Variants in CHCHD3 observed in about 807,000 individuals in gnomAD.
CHCHD3 encodes the protein MICOS complex subunit MIC19.
Under a neutral mutation model 38.2 loss-of-function variants are expected in CHCHD3, and 20 were observed. The ratio of observed to expected loss-of-function variants is 0.52; its 90% confidence interval spans 0.37 to 0.76. The LOEUF is 0.76. Among genes scored for constraint, CHCHD3 ranks in the 30% least tolerant of loss-of-function variants. The pLI, the probability that CHCHD3 is intolerant of heterozygous loss-of-function variation, is 0.00. For synonymous variants in CHCHD3, 82 were observed against 100.0 expected (o/e 0.82, Z 1.07); for missense variants, 245 against 279.2 (o/e 0.88, Z 0.87).
intron 3 of CHCHD3, among the ~76,000 whole-genome samples, chr7:132,984,442 G>GC (rs1336694987): frequency 5.3e-5 from 8 of 150,584 alleles, no homozygotes; most frequent in African/African-American, 1.5e-4. Flanking sequence ...GCCTGCCTTG[G>GC]CCCCGCAAAG....
chr7:132,933,159 T>A (rs1202881746), intron 4 of CHCHD3, among the ~76,000 whole-genome samples: 2 of 152,200 alleles, frequency 1.3e-5, no homozygotes, highest in African/African-American at 2.4e-5. Flanking sequence ...ACAGAACAGT[T>A]ATTTTGCATC....
intron 6 of CHCHD3, among the ~76,000 whole-genome samples, chr7:132,838,148 T>C (rs1340626342): frequency 6.6e-6 from 1 of 152,146 alleles, no homozygotes; most frequent in African/African-American, 2.4e-5. Context: ...GATAATACTA[T>C]TACCATTGCT....
chr7:132,811,072 G>T (rs970515958), intron 6 of CHCHD3, among the ~76,000 whole-genome samples: 8 of 148,570 alleles, frequency 5.4e-5, no homozygotes, highest in African/African-American at 2.0e-4. Context: ...GTTTCATTGA[G>T]AAAAAAAAAA....
intron 2 of CHCHD3, among the ~76,000 whole-genome samples, chr7:133,062,096 A>T (rs996162499): frequency 1.0e-4 from 15 of 146,990 alleles, no homozygotes; most frequent in East Asian, 2.0e-4. Flanking sequence ...TTACTTTTAA[A>T]TTTTTTTTTT....
chr7:133,068,021 C>G (rs1390552160), intron 2 of CHCHD3, among the ~76,000 whole-genome samples: 1 of 151,856 alleles, frequency 6.6e-6, no homozygotes, highest in Non-Finnish European at 1.5e-5. Context: ...GAGACTGAGG[C>G]AGGAGAATGG....
chr7:132,962,895 T>C (rs897515356), intron 4 of CHCHD3, among the ~76,000 whole-genome samples: 23 of 152,168 alleles, frequency 1.5e-4, no homozygotes, highest in African/African-American at 5.5e-4. Context: ...ACATCAACTA[T>C]AATAGTTGCC....
chr7:132,801,685 T>C (rs760122328), intron 6 of CHCHD3, among the ~76,000 whole-genome samples: 16 of 152,212 alleles, frequency 1.1e-4, no homozygotes, highest in Non-Finnish European at 2.4e-4. Flanking sequence ...GGCCATACTA[T>C]TTAATCAAAT....
chr7:132,992,543 A>C (rs187102493), intron 3 of CHCHD3, among the ~76,000 whole-genome samples: 25 of 152,356 alleles, frequency 1.6e-4, no homozygotes, highest in Non-Finnish European at 3.4e-4. Context: ...ACATGCGGCT[A>C]CTGAGCCCAG....
At chr7:132,887,091 G>A in intron 4 of CHCHD3, 1 of 553,830 alleles carries the variant, frequency 1.8e-6, no homozygotes, top group Non-Finnish European at 2.7e-6. Context: ...TATTTAAAAT[G>A]CAAGCCAAAG....
At chr7:133,013,862 T>C (rs1812951617) in intron 3 of CHCHD3, among the ~76,000 whole-genome samples, 1 of 152,200 alleles carries the variant, frequency 6.6e-6, no homozygotes, top group Non-Finnish European at 1.5e-5. Flanking sequence ...TGTATTTCCC[T>C]GGTAATTTTC....
chr7:132,840,238 G>A (rs1237822885), intron 5 of CHCHD3, among the ~76,000 whole-genome samples: 1 of 152,072 alleles, frequency 6.6e-6, no homozygotes, highest in African/African-American at 2.4e-5. Context: ...GCAATGTTTG[G>A]TGTAATCCTT....
intron 5 of CHCHD3, among the ~76,000 whole-genome samples, chr7:132,845,420 G>C (rs551862609): frequency 6.6e-6 from 1 of 152,194 alleles, no homozygotes; most frequent in African/African-American, 2.4e-5. Context: ...CCAGACATTG[G>C]TGAATGTTGC....
chr7:132,863,135 T>G (rs1440956347), intron 5 of CHCHD3, among the ~76,000 whole-genome samples: 1 of 152,210 alleles, frequency 6.6e-6, no homozygotes, highest in African/African-American at 2.4e-5. Context: ...AATGTACTTT[T>G]CCCAGATCAT....
chr7:132,855,555 G>T (rs538330013), intron 5 of CHCHD3, among the ~76,000 whole-genome samples: 1 of 152,296 alleles, frequency 6.6e-6, no homozygotes, highest in South Asian at 2.1e-4. Flanking sequence ...GTATTTCAAA[G>T]GAAAGGCCTT....
chr7:132,838,997 C>G (rs1442541848), intron 5 of CHCHD3, among the ~76,000 whole-genome samples: 1 of 151,908 alleles, frequency 6.6e-6, no homozygotes, highest in African/African-American at 2.4e-5. Flanking sequence ...TCAAGACCAG[C>G]CTGACCAATA....
chr7:132,896,120 A>C (rs926435834), intron 4 of CHCHD3, among the ~76,000 whole-genome samples: 1 of 152,226 alleles, frequency 6.6e-6, no homozygotes, highest in East Asian at 1.9e-4. Flanking sequence ...GGCGTAAGGT[A>C]CAAAAGCAAT....
intron 3 of CHCHD3, among the ~76,000 whole-genome samples, chr7:132,980,501 C>A (rs1394173725): frequency 6.6e-6 from 1 of 152,080 alleles, no homozygotes; most frequent in Non-Finnish European, 1.5e-5. Context: ...CATTTAAATT[C>A]TCTAGAGTTT....
At chr7:132,880,978 T>G (rs1181715281) in intron 5 of CHCHD3, among the ~76,000 whole-genome samples, 1 of 152,160 alleles carries the variant, frequency 6.6e-6, no homozygotes, top group African/African-American at 2.4e-5. Context: ...GAATTAATAC[T>G]CTCTAAGTAT....
intron 2 of CHCHD3, among the ~76,000 whole-genome samples, chr7:133,026,155 A>C (rs1424055638): frequency 7.2e-5 from 11 of 152,238 alleles, no homozygotes; most frequent in Non-Finnish European, 1.5e-4. Context: ...CGTATATAGG[A>C]TATACAATAT....
Sources: gnomAD v4.1 joint callset for allele counts (sites outside exome capture counted in the v4.1 genomes callset) on GRCh38, gnomAD v4.1.1 for gene constraint, MANE v1.5 for transcripts, NCBI Gene and HGNC (gene_info 2026-07-23, HGNC 2026-07-21) for gene names.